ADGRV1: variants seen among roughly 807,000 people sequenced by gnomAD.
The protein encoded by ADGRV1 is adhesion G protein-coupled receptor V1, also known as G-protein coupled receptor 98.
Under a neutral mutation model 596.2 loss-of-function variants are expected in ADGRV1, and 359 were observed. The observed-to-expected ratio is 0.60, with a 90% CI of 0.55 to 0.66. ADGRV1 has a LOEUF of 0.66. Among genes scored for constraint, ADGRV1 ranks in the 30% least tolerant of loss-of-function variants. ADGRV1 has a pLI of 0.00. For missense variants in ADGRV1, 7,274 were observed against 7,575.6 expected (o/e 0.96, Z 1.48); for synonymous variants, 2,681 against 2,679.2 (o/e 1.00, Z -0.02).
intron 43 of ADGRV1, among the ~76,000 whole-genome samples, chr5:90,718,753 A>G (rs1214644847): frequency 6.6e-6 from 1 of 151,624 alleles, no homozygotes; most frequent in East Asian, 1.9e-4. Flanking sequence ...TGCTTTATTC[A>G]TGTTTTTTCA....
At chr5:90,725,519 T>C in intron 47 of ADGRV1, 30 bp from the exon 48 acceptor site, 1 of 1,177,062 alleles carries the variant, frequency 8.5e-7, no homozygotes, top group Non-Finnish European at 1.3e-6. Flanking sequence ...AACTCTCCTT[T>C]AAGTTTTCAT....
At chr5:91,032,814 C>A (rs1311806167) in intron 85 of ADGRV1, among the ~76,000 whole-genome samples, 2 of 152,104 alleles carry the variant, frequency 1.3e-5, no homozygotes. Flanking sequence ...CAGGGGAAAT[C>A]ATTTTTTGAG....
intron 1 of ADGRV1, among the ~76,000 whole-genome samples, chr5:90,598,319 A>T (rs889463020): frequency 6.6e-6 from 1 of 152,226 alleles, no homozygotes; most frequent in Non-Finnish European, 1.5e-5. Flanking sequence ...CATGCCACAC[A>T]TGGCTTTCCT....
chr5:90,649,917 G>T (rs1183888126), intron 17 of ADGRV1, among the ~76,000 whole-genome samples: 1 of 152,176 alleles, frequency 6.6e-6, no homozygotes, highest in Non-Finnish European at 1.5e-5. Context: ...TTGGGTTACT[G>T]GCCTGAGGTA....
In ADGRV1 at chr5:90,783,950, GTTATAAGGTTTCTCAATCAA is replaced by G. The variant is rs1759144390; in HGVS notation, c.13547_13566del (p.Val4516GlufsTer7). 1 of 1,612,090 alleles carries G rather than the reference GTTATAAGGTTTCTCAATCAA, an allele frequency of 6.2e-7. No homozygotes were observed. The highest frequency in any genetic ancestry group is 8.5e-7 in the Non-Finnish European group (1 of 1,179,172). On this transcript the variant is annotated frameshift_variant, in exon 67 of 90. Coordinates refer to ENST00000405460, the MANE Select transcript of ADGRV1 (RefSeq NM_032119.4). LOFTEE classifies it high-confidence loss of function. ...AGCTAAGAGTGACTCTCCCTTTGGA[GTTATAAGGTTTCTCAATCAA>G]AGCAAAATTTCTATTGCTAATCCCA...
In ADGRV1 at chr5:90,676,151, T is replaced by C. The variant is rs2149553257; in HGVS notation, c.5385T>C (p.Asn1795=). 6.2e-7 allele frequency: 1 copy of C among 1,607,746 alleles called. No individual in the cohort carries two copies. The highest frequency in any genetic ancestry group is 8.5e-7 in the Non-Finnish European group (1 of 1,176,392). The change falls in exon 25 of 90, where the codon AAT becomes AAC. Residue 1795 remains asparagine, a synonymous_variant. Coordinates refer to ENST00000405460, the MANE Select transcript of ADGRV1 (RefSeq NM_032119.4). ...YKYIFINITD[N]SIPELEKSFK... is the part of the protein sequence containing the mutation. Reference sequence around the variant, plus strand: ...ACATTTTCATAAACATCACTGATAATTCTATTCCTGAACTGGAAAAATCTT... The same window carrying C: ...ACATTTTCATAAACATCACTGATAACTCTATTCCTGAACTGGAAAAATCTT...
intron 85 of ADGRV1, among the ~76,000 whole-genome samples, chr5:91,066,258 C>T (rs1052671548): frequency 6.6e-6 from 1 of 152,160 alleles, no homozygotes; most frequent in Non-Finnish European, 1.5e-5. Flanking sequence ...TCATTCCCAG[C>T]CTTATTTCAA....
intron 57 of ADGRV1, 27 bp from the exon 58 acceptor site, chr5:90,759,382 T>C: frequency 6.8e-7 from 1 of 1,465,370 alleles, no homozygotes; most frequent in East Asian, 2.5e-5. Context: ...CTCCCTCTCT[T>C]TCTCCCTTCC....
intron 1 of ADGRV1, among the ~76,000 whole-genome samples, chr5:90,573,413 T>C (rs1484525172): frequency 4.6e-5 from 7 of 152,158 alleles, no homozygotes; most frequent in Admixed American, 4.6e-4. Flanking sequence ...CTAGATGGTA[T>C]AATGAACCAC....
At chr5:91,050,099 A>T (rs1162136270) in intron 85 of ADGRV1, among the ~76,000 whole-genome samples, 1 of 152,210 alleles carries the variant, frequency 6.6e-6, no homozygotes, top group Non-Finnish European at 1.5e-5. Context: ...ACTTGTGCTG[A>T]CACTAAGGGT....
intron 83 of ADGRV1, among the ~76,000 whole-genome samples, chr5:90,902,817 A>G (rs767597707): frequency 1.3e-5 from 2 of 152,024 alleles, no homozygotes; most frequent in African/African-American, 2.4e-5. Flanking sequence ...TTTAGTTTTC[A>G]AGTGTTGGCC....
rs374258235 is a variant in ADGRV1 at position 90,646,930 on chromosome 5, C to T, written c.3023-568C>T. On this transcript the variant is annotated intron_variant, in intron 16 of 89. Transcript: ENST00000405460. ...CTGGGACTACAGGCACACACCACCA[C>T]GCCCAGCTAATTTTTGTATTTTTAG... Among the ~76,000 whole-genome samples the T allele has an allele frequency of 5.4e-4, 82 of 151,972 alleles. No individual in the cohort carries two copies. The East Asian group carries it at 0.013, about 24-fold the overall frequency.
At chr5:90,606,519 G>A (rs762420636) in intron 1 of ADGRV1, among the ~76,000 whole-genome samples, 1 of 152,240 alleles carries the variant, frequency 6.6e-6, no homozygotes, top group Admixed American at 6.5e-5. Flanking sequence ...GAAACAAAAG[G>A]GCATTGTTTA....
chr5:91,067,828 A>G (rs1324017774), intron 85 of ADGRV1, among the ~76,000 whole-genome samples: 1 of 152,236 alleles, frequency 6.6e-6, no homozygotes, highest in South Asian at 2.1e-4. Context: ...TTCACATGAA[A>G]AAAATAAGTG....
At chr5:90,784,159 T>C (rs1759175744) in intron 67 of ADGRV1, 102 bp downstream of exon 67, 2 of 739,296 alleles carry the variant, frequency 2.7e-6, no homozygotes, top group Admixed American at 6.0e-5. Flanking sequence ...TCACAGCCAA[T>C]CAATATTTAT....
intron 83 of ADGRV1, among the ~76,000 whole-genome samples, chr5:90,868,395 T>A (rs1337635498): frequency 2.6e-5 from 4 of 152,152 alleles, no homozygotes; most frequent in East Asian, 1.9e-4. Context: ...TGATTTTTTT[T>A]ATTTCTTTTT....
At chr5:90,904,595 A>AT (rs112538029) in intron 83 of ADGRV1, among the ~76,000 whole-genome samples, 3 of 149,994 alleles carry the variant, frequency 2.0e-5, no homozygotes, top group South Asian at 4.2e-4. Context: ...TTTTGCCAAT[A>AT]TTTTTTTTTC....
intron 11 of ADGRV1, 93 bp from the exon 12 acceptor site, chr5:90,642,543 C>T (rs1767105992): frequency 3.8e-6 from 5 of 1,318,676 alleles, no homozygotes; most frequent in Non-Finnish European, 5.3e-6. Flanking sequence ...TTTTCATTAT[C>T]TGGAAGAGTT....
intron 89 of ADGRV1, among the ~76,000 whole-genome samples, chr5:91,162,105 TACAGAACAGACCAGAGGA>T (rs1408022976): frequency 3.3e-5 from 5 of 152,144 alleles, no homozygotes; most frequent in African/African-American, 1.2e-4. Flanking sequence ...GGCAGTGGAA[TACAGAACAGACCAGAGGA>T]ACAGAACAGG....
Sources: gnomAD v4.1 joint callset for allele counts (sites outside exome capture counted in the v4.1 genomes callset) on GRCh38, gnomAD v4.1.1 for gene constraint, MANE v1.5 for transcripts, NCBI Gene and HGNC (gene_info 2026-07-23, HGNC 2026-07-21) for gene names.